The following WDFY4 variants were observed in gnomAD, a reference collection of about 807,000 sequenced individuals.
WDFY4 encodes WD repeat- and FYVE domain-containing protein 4.
A neutral mutation model predicts 351.9 loss-of-function variants in WDFY4; 169 were observed. That is an observed-to-expected ratio of 0.48 (90% CI 0.42 to 0.55). The LOEUF (loss-of-function observed/expected upper bound fraction) is 0.55. Ranked by LOEUF, WDFY4 falls within the 20% of genes least tolerant of loss-of-function variation. The probability of loss-of-function intolerance (pLI) is 0.00; values close to 1 mark genes in which losing one functional copy is unlikely to be tolerated. For synonymous variants in WDFY4, 1,622 were observed against 1,574.6 expected, an observed-to-expected ratio of 1.03 and a Z score of -0.71; for missense variants, 3,803 against 3,935.6, an observed-to-expected ratio of 0.97 and a Z score of 0.90.
At chr10:48,929,784 A>G (rs955849651) in intron 47 of WDFY4, among the ~76,000 whole-genome samples, 2 of 152,090 alleles carry the variant, frequency 1.3e-5, no homozygotes, top group Non-Finnish European at 2.9e-5. Context: ...GCTCCACCAC[A>G]GCCTCTTCCG....
intron 39 of WDFY4, among the ~76,000 whole-genome samples, chr10:48,843,674 G>A (rs765202834): frequency 6.6e-6 from 1 of 152,116 alleles, no homozygotes; most frequent in African/African-American, 2.4e-5. Flanking sequence ...TTTGAAAATC[G>A]AATGTAGTTC....
chr10:48,797,192 G>A (rs1355552274), intron 24 of WDFY4, among the ~76,000 whole-genome samples: 1 of 152,176 alleles, frequency 6.6e-6, no homozygotes, highest in Non-Finnish European at 1.5e-5. Flanking sequence ...GTACATCAGA[G>A]TGAGAGCAGC....
intron 57 of WDFY4, 92 bp from the exon 58 acceptor site, chr10:48,974,770 A>G: frequency 7.5e-7 from 1 of 1,326,470 alleles, no homozygotes; most frequent in Non-Finnish European, 1.0e-6. Context: ...CCATTTCCTC[A>G]TCCAGCACCC....
At position 48,755,862 on chromosome 10, in the gene WDFY4, T is replaced by G. The variant is rs2065321247; in HGVS notation, c.2460-4485T>G. Among the ~76,000 whole-genome samples the G allele has an allele frequency of 2.0e-5, 3 of 152,132 alleles. No individual in the cohort carries two copies. The South Asian group carries it at 6.2e-4, about 31-fold the overall frequency. ...GGCTGTCCTGATGGAACCTCGTTAT[T>G]TTATATATAGGTAGGTATTGTTTGC... On this transcript the variant is annotated intron_variant, in intron 12 of 61. Coordinates refer to ENST00000325239, the MANE Select transcript of WDFY4 (RefSeq NM_001394531.1).
chr10:48,826,838 T>C lies in WDFY4; in HGVS notation c.6150T>C (p.Phe2050=). ...GFLQEHWDVV[F]ATYNSNISFL... is the part of the protein sequence containing the mutation. ...TGCAGGAGCACTGGGATGTTGTCTT[T>C]GCCACCTACAATTCCAACATCAGCT... Residue 2050 remains phenylalanine, a synonymous_variant, in exon 36 of 62, where the codon TTT becomes TTC. Transcript: ENST00000325239. 6.4e-7 allele frequency: 1 copy of C among 1,551,884 alleles called. No homozygotes were observed. Among genetic ancestry groups the C allele is most frequent in the Non-Finnish European group, 8.7e-7 (1 of 1,147,024 alleles).
At chr10:48,720,164 G>A (rs1205530598) in intron 3 of WDFY4, 39 bp downstream of exon 3, 11 of 1,542,942 alleles carry the variant, frequency 7.1e-6, no homozygotes, top group East Asian at 2.4e-5. Context: ...TCTACAGAGA[G>A]CAGTGCAGCC....
rs770190482 is a variant in WDFY4, at chr10:48,807,915, C to A, written c.4795C>A (p.Leu1599Met). Residue 1599 changes from leucine to methionine, a missense_variant, in exon 28 of 62, where the codon CTG (leucine) becomes ATG (methionine). This residue lies in a region of WDFY4 where 3,054 missense variants were observed against 3,148.6 expected (regional missense o/e 0.97). Coordinates refer to ENST00000325239, the MANE Select transcript of WDFY4 (RefSeq NM_001394531.1). ...GCTCAGAAACCAGTTGCTGGAGATG[C>A]TGCTCAGTGTAATATCTTCCCCCCA... ...IWLRNQLLEM[L>M]LSVISSPQLH... is the part of the protein sequence containing the mutation. The A allele has an allele frequency of 1.3e-6, 2 of 1,551,272 alleles. No homozygotes were observed. The highest frequency in any genetic ancestry group is 2.7e-5 in the African/African-American group (2 of 73,028).
chr10:48,949,147 T>C (rs1057082331), intron 51 of WDFY4, among the ~76,000 whole-genome samples: 35 of 152,234 alleles, frequency 2.3e-4, no homozygotes, highest in African/African-American at 7.7e-4. Context: ...GTCACTGATG[T>C]AACTGAGTTT....
At chr10:48,707,315 TG>T (rs1177086079) in intron 1 of WDFY4, among the ~76,000 whole-genome samples, 12 of 152,134 alleles carry the variant, frequency 7.9e-5, no homozygotes, top group African/African-American at 2.9e-4. Context: ...TCAGATGCTG[TG>T]GGGGAGATGG....
chr10:48,847,124 C>A (rs764707254), intron 39 of WDFY4, among the ~76,000 whole-genome samples: 1 of 152,098 alleles, frequency 6.6e-6, no homozygotes, highest in Non-Finnish European at 1.5e-5. Context: ...GCTAGAGGTC[C>A]GAGAAGAAAG....
At chr10:48,788,008 CTCCTTCTCCTTCTCCTTCTCCTTT>C (rs2066547240) in intron 20 of WDFY4, among the ~76,000 whole-genome samples, 2 of 142,584 alleles carry the variant, frequency 1.4e-5, no homozygotes, top group African/African-American at 5.4e-5. Context: ...CCTTCTCCTT[CTCCTTCTCCTTCTCCTTCTCCTTT>C]TCCTTCTTCT....
chr10:48,890,526 A>G (rs1403715113), intron 43 of WDFY4, 53 bp from the exon 44 acceptor site: 15 of 1,549,400 alleles, frequency 9.7e-6, no homozygotes, highest in East Asian at 4.9e-5. Context: ...TCCCCCAAGA[A>G]TCATGGGCAT....
Position 48,873,561 on chromosome 10 carries a change from T to C in WDFY4, c.6812T>C (p.Leu2271Pro), listed in dbSNP as rs1234753879. 18 of 1,551,724 alleles carry C rather than the reference T, an allele frequency of 1.2e-5. No individual in the cohort carries two copies. Among genetic ancestry groups the C allele is most frequent in the Non-Finnish European group, 1.6e-5 (18 of 1,146,982 alleles). Residue 2271 changes from leucine to proline, a missense_variant, in exon 41 of 62, where the codon CTG (leucine) becomes CCG (proline). By Grantham distance (98) the Leu-to-Pro change is moderately conservative. Transcript: ENST00000325239. ...ARIQEQLFGE[L>P]GLWSQGEETK... is the part of the protein sequence containing the mutation. Reference sequence around the variant, plus strand: ...ATCCAGGAGCAGCTTTTTGGGGAGCTGGGCTTGTGGAGCCAGGGGGAAGAA... The same window carrying C: ...ATCCAGGAGCAGCTTTTTGGGGAGCCGGGCTTGTGGAGCCAGGGGGAAGAA...
rs1842591990 is a variant in WDFY4, at chr10:48,976,882, G to C, written c.9194G>C (p.Gly3065Ala). 6.5e-7 allele frequency: 1 copy of C among 1,541,006 alleles called. No individual in the cohort carries two copies. The highest frequency in any genetic ancestry group is 8.8e-7 in the Non-Finnish European group (1 of 1,141,220). The change falls in exon 59 of 62, where the codon GGC becomes GCC. Residue 3065 changes from glycine to alanine, a missense_variant. Physicochemically the swap from Gly to Ala is moderately conservative, Grantham distance 60. Coordinates refer to ENST00000325239, the MANE Select transcript of WDFY4 (RefSeq NM_001394531.1). ...CTGGCCAGCATCACCACAGCCTGGG[G>C]CCCAGAAGGAGCCATAACCTGCTGC... ...QPLASITTAW[G>A]PEGAITCCCL... is the part of the protein sequence containing the mutation.
intron 47 of WDFY4, among the ~76,000 whole-genome samples, chr10:48,931,662 T>C (rs1375469840): frequency 6.6e-6 from 1 of 152,208 alleles, no homozygotes; most frequent in Non-Finnish European, 1.5e-5. Flanking sequence ...GGCTCATTGC[T>C]TGCATGGAAG....
chr10:48,721,997 G>T (rs1347475402), intron 4 of WDFY4, among the ~76,000 whole-genome samples: 1 of 152,184 alleles, frequency 6.6e-6, no homozygotes, highest in African/African-American at 2.4e-5. Flanking sequence ...CAGGAACACA[G>T]CAGGGAACCT....
chr10:48,768,718 A>T (rs2065757815), intron 13 of WDFY4, among the ~76,000 whole-genome samples: 1 of 138,292 alleles, frequency 7.2e-6, no homozygotes, highest in South Asian at 2.2e-4. Flanking sequence ...GGGGTGGGAG[A>T]GGAGAAGAGA....
At position 48,828,613 on chromosome 10, in the gene WDFY4, G is replaced by C. The variant is rs190236349; in HGVS notation, c.6222-165G>C. 2.0e-5 allele frequency among the ~76,000 whole-genome samples: 3 copies of C among 152,282 alleles called. No individual in the cohort carries two copies. In the East Asian group the frequency reaches 5.8e-4, roughly 29 times the overall value. On this transcript the variant is annotated intron_variant, in intron 36 of 61. Coordinates refer to ENST00000325239, the MANE Select transcript of WDFY4 (RefSeq NM_001394531.1). ...AGAATGCCACTCTAAAATATCTGCT[G>C]TGGAATTTCTTATAAAGTGTTTGCT...
Position 48,832,554 on chromosome 10 carries a change from T to A in WDFY4, c.6527-19T>A. 6.5e-7 allele frequency: 1 copy of A among 1,526,996 alleles called. No homozygotes were observed. Among genetic ancestry groups the A allele is most frequent in the Non-Finnish European group, 8.8e-7 (1 of 1,131,272 alleles). 94.6% of individuals were successfully genotyped at this position (1,526,996 alleles called of 1,614,324 possible). A position where few individuals can be genotyped will look rare whatever the true frequency, so the allele number is the denominator to read the frequency against. On this transcript the variant is annotated intron_variant, in intron 38 of 61. Transcript: ENST00000325239. The stretch of plus-strand genomic sequence containing the variant: ...TGCTCTCACTTCACCTCTGACATTC[T>A]TTGCTTCCCTTCCCTCAGCATCTGA...
Sources: gnomAD v4.1 joint callset for allele counts (sites outside exome capture counted in the v4.1 genomes callset) on GRCh38, gnomAD v4.1.1 for gene constraint, gnomAD v4.1.1 regional missense constraint, MANE v1.5 for transcripts, NCBI Gene and HGNC (gene_info 2026-07-23, HGNC 2026-07-21) for gene names.